Variants in ZNF92 observed in about 807,000 individuals in gnomAD.
The protein encoded by ZNF92 is epididymis luminal protein 203.
In ZNF92, 11 loss-of-function variants were observed where a neutral mutation model predicts 12.4. The observed-to-expected ratio is 0.89, with a 90% CI of 0.56 to 1.47. The LOEUF is 1.47. ZNF92 is among the 40% of genes most tolerant of loss of function. The probability of loss-of-function intolerance (pLI) is 0.00; values close to 1 mark genes in which losing one functional copy is unlikely to be tolerated. For synonymous variants in ZNF92, 206 were observed against 228.6 expected, an observed-to-expected ratio of 0.90 and a Z score of 0.89; for missense variants, 622 against 681.0, an observed-to-expected ratio of 0.91 and a Z score of 0.96.
At chr7:65,391,142 G>C (rs1271222836) in intron 3 of ZNF92, among the ~76,000 whole-genome samples, 2 of 151,798 alleles carry the variant, frequency 1.3e-5, no homozygotes, top group Non-Finnish European at 2.9e-5. Flanking sequence ...TTGAGATGGG[G>C]TCTTGCTTCA....
At chr7:65,381,186 T>A (rs943881613) in intron 1 of ZNF92, among the ~76,000 whole-genome samples, 2 of 151,340 alleles carry the variant, frequency 1.3e-5, no homozygotes, top group Non-Finnish European at 2.9e-5. Context: ...AATTTTTGTA[T>A]TTTTTTTAGT....
chr7:65,400,595 A>C lies in ZNF92; in HGVS notation c.*720A>C, dbSNP rs1198711381. The C allele has an allele frequency of 6.6e-6, 1 of 152,020 alleles. No individual in the cohort carries two copies. Among genetic ancestry groups the C allele is most frequent in the Non-Finnish European group, 1.5e-5 (1 of 67,904 alleles). 9.4% of individuals were successfully genotyped at this position (152,020 alleles called of 1,614,324 possible). A position where few individuals can be genotyped will look rare whatever the true frequency, so the allele number is the denominator to read the frequency against. On this transcript the variant is annotated 3_prime_UTR_variant, in exon 4 of 4. Coordinates refer to ENST00000328747, the MANE Select transcript of ZNF92 (RefSeq NM_152626.4). The stretch of plus-strand genomic sequence containing the variant: ...GACATTACACTAAATTAGAGTGTTG[A>C]GTATAGGAGATCCAAAACTAAAATT...
At chr7:65,383,872 A>G (rs1295912353) in intron 1 of ZNF92, among the ~76,000 whole-genome samples, 1 of 152,110 alleles carries the variant, frequency 6.6e-6, no homozygotes, top group African/African-American at 2.4e-5. Context: ...GAACCCTCTC[A>G]CAATCACCTA....
Position 65,400,189 on chromosome 7 carries a change from A to G in ZNF92, c.*314A>G, listed in dbSNP as rs745367088. 2.0e-4 allele frequency: 40 copies of G among 197,506 alleles called. 1 individual carries two copies. Among genetic ancestry groups the G allele is most frequent in the Non-Finnish European group, 3.0e-4 (29 of 96,188 alleles). The allele number at this position is 197,506 out of a possible 1,614,324, so 12.2% of individuals were successfully genotyped here. On this transcript the variant is annotated 3_prime_UTR_variant, in exon 4 of 4. Transcript: ENST00000328747. ...CTTAATAAAATGCAATTACCGTCAAATCTTTCAGAAAATATAAGCCTTTAA... is the reference window on the plus strand; with the variant it reads ...CTTAATAAAATGCAATTACCGTCAAGTCTTTCAGAAAATATAAGCCTTTAA...
chr7:65,379,003 A>G (rs774949865), intron 1 of ZNF92, among the ~76,000 whole-genome samples: 4 of 151,858 alleles, frequency 2.6e-5, no homozygotes, highest in Non-Finnish European at 5.9e-5. Flanking sequence ...TTTTTGTCCT[A>G]TACATTTTTT....
At chr7:65,381,342 C>T (rs1003058948) in intron 1 of ZNF92, among the ~76,000 whole-genome samples, 5 of 147,520 alleles carry the variant, frequency 3.4e-5, no homozygotes, top group Non-Finnish European at 7.4e-5. Context: ...GTGTTTATGT[C>T]CTTTGCCTAC....
chr7:65,396,230 A>T (rs893112442), intron 3 of ZNF92, among the ~76,000 whole-genome samples: 2 of 152,106 alleles, frequency 1.3e-5, no homozygotes, highest in Non-Finnish European at 2.9e-5. Context: ...TGATTTTTTA[A>T]AGAAATGATG....
Position 65,389,085 on chromosome 7 carries a change from G to A in ZNF92, c.226+184G>A, listed in dbSNP as rs139689777. On this transcript the variant is annotated intron_variant, in intron 3 of 3. Transcript: ENST00000328747. Reference sequence around the variant, plus strand: ...AGCGATTCTCCTGCTTCAGCCTCCCGAGTAGCTGGGATTACAGGCACCCAC... The same window carrying A: ...AGCGATTCTCCTGCTTCAGCCTCCCAAGTAGCTGGGATTACAGGCACCCAC... Among the ~76,000 whole-genome samples the A allele has an allele frequency of 0.012, 1,834 of 151,964 alleles. 48 individuals are homozygous for A. Among genetic ancestry groups the A allele is most frequent in the African/African-American group, 0.04 (1,676 of 41,448 alleles).
intron 1 of ZNF92, among the ~76,000 whole-genome samples, chr7:65,387,054 C>T (rs10238017): frequency 0.26 from 39,907 of 150,976 alleles, 6,720 homozygotes; most frequent in African/African-American, 0.45. Context: ...ATTCTCCTGC[C>T]TCAGCCTCCT....
At chr7:65,386,939 CTTTTTTTT>C (rs34718120) in intron 1 of ZNF92, among the ~76,000 whole-genome samples, 1 of 129,726 alleles carries the variant, frequency 7.7e-6, no homozygotes, top group South Asian at 2.5e-4. Context: ...TTTCTTTCTT[CTTTTTTTT>C]TTTTTTTTTG....
At chr7:65,391,326 A>G (rs1344765870) in intron 3 of ZNF92, among the ~76,000 whole-genome samples, 1 of 152,032 alleles carries the variant, frequency 6.6e-6, no homozygotes, top group Non-Finnish European at 1.5e-5. Context: ...GGCAACTTTT[A>G]TTGTCCTATC....
In ZNF92 at chr7:65,400,626, G is replaced by C. The variant is rs1437013491; in HGVS notation, c.*751G>C. 1 of 151,726 alleles carries C rather than the reference G, an allele frequency of 6.6e-6. No homozygotes were observed. The highest frequency in any genetic ancestry group is 2.4e-5 in the African/African-American group (1 of 41,326). The allele number at this position is 151,726 out of a possible 1,614,324, so 9.4% of individuals were successfully genotyped here. ...GGAGATCCAAAACTAAAATTGTTAGGTAAGTTATTTATATATAACTTTAAA... is the reference window on the plus strand; with the variant it reads ...GGAGATCCAAAACTAAAATTGTTAGCTAAGTTATTTATATATAACTTTAAA... On this transcript the variant is annotated 3_prime_UTR_variant, in exon 4 of 4. Coordinates refer to ENST00000328747, the MANE Select transcript of ZNF92 (RefSeq NM_152626.4).
At chr7:65,380,909 G>A (rs957539262) in intron 1 of ZNF92, among the ~76,000 whole-genome samples, 3 of 151,970 alleles carry the variant, frequency 2.0e-5, no homozygotes, top group African/African-American at 7.3e-5. Context: ...GTGTGAGATG[G>A]TATCTCATTG....
intron 3 of ZNF92, among the ~76,000 whole-genome samples, chr7:65,397,982 C>T (rs924619613): frequency 1.3e-5 from 2 of 152,088 alleles, no homozygotes; most frequent in African/African-American, 4.8e-5. Context: ...CAGTATTTTT[C>T]TTGTCTTTTA....
In ZNF92 at chr7:65,399,273, CAT is replaced by C. The variant is rs1457625508; in HGVS notation, c.1161_1162del (p.His387GlnfsTer13). 6.2e-7 allele frequency: 1 copy of C among 1,612,456 alleles called. No individual in the cohort carries two copies. The highest frequency in any genetic ancestry group is 8.5e-7 in the Non-Finnish European group (1 of 1,179,278). On this transcript the variant is annotated frameshift_variant, in exon 4 of 4. Coordinates refer to ENST00000328747, the MANE Select transcript of ZNF92 (RefSeq NM_152626.4). LOFTEE classifies it low-confidence loss of function (END_TRUNC). ...TAACCAGTCCTCAACCCTTACTAAA[CAT>C]AAAAGAATTCATACGGGAGAAAAAC... ...AFNQSSTLTK[H>X]KRIHTGEKPY... is the part of the protein sequence containing the mutation.
At chr7:65,377,563 A>T (rs538543385) in intron 1 of ZNF92, among the ~76,000 whole-genome samples, 2 of 151,898 alleles carry the variant, frequency 1.3e-5, no homozygotes, top group Non-Finnish European at 2.9e-5. Flanking sequence ...ATTTTTTTTG[A>T]GATGGAGTCT....
intron 3 of ZNF92, among the ~76,000 whole-genome samples, chr7:65,398,056 C>G (rs867286568): frequency 6.6e-6 from 1 of 151,350 alleles, no homozygotes; most frequent in Admixed American, 6.6e-5. Flanking sequence ...GCAGGAAGAG[C>G]TGTGTTGGGT....
chr7:65,399,823 G>A lies in ZNF92; in HGVS notation c.1709G>A (p.Gly570Asp), dbSNP rs144227733. ...TGEKPCKHEC[G>D]RAFNKSSNYT... ...GAGAAACCCTGCAAACATGAATGTG[G>A]CAGAGCCTTTAACAAATCCTCAAAT... The change falls in exon 4 of 4, where the codon GGC becomes GAC. Residue 570 changes from glycine (G) to aspartate (D), a missense_variant. Transcript: ENST00000328747. The A allele has an allele frequency of 1.3e-3, 2,051 of 1,606,382 alleles. 43 individuals are homozygous for A. The South Asian group carries it at 0.014, about 11-fold the overall frequency.
chr7:65,393,617 A>G (rs1793778792), intron 3 of ZNF92, among the ~76,000 whole-genome samples: 1 of 152,152 alleles, frequency 6.6e-6, no homozygotes, highest in African/African-American at 2.4e-5. Context: ...TTTTTCACCA[A>G]AAAATAACAT....
Sources: allele counts gnomAD v4.1 joint callset (sites outside exome capture counted in the v4.1 genomes callset), GRCh38; gene constraint gnomAD v4.1.1; transcripts MANE v1.5; gene names NCBI Gene and HGNC (gene_info 2026-07-23, HGNC 2026-07-21).